Variants in EPM2A observed in about 807,000 individuals in gnomAD.
The protein encoded by EPM2A is laforin.
A neutral mutation model predicts 26.5 loss-of-function variants in EPM2A; 21 were observed. The ratio of observed to expected loss-of-function variants is 0.79; its 90% confidence interval spans 0.56 to 1.14. EPM2A has a LOEUF of 1.14. EPM2A is among the 50% of genes most tolerant of loss of function. The probability of loss-of-function intolerance (pLI) is 0.00; values close to 1 mark genes in which losing one functional copy is unlikely to be tolerated. For missense variants in EPM2A, 458 were observed against 440.8 expected, an observed-to-expected ratio of 1.04 and a Z score of -0.35; for synonymous variants, 217 against 177.6, an observed-to-expected ratio of 1.22 and a Z score of -1.76.
In EPM2A at chr6:145,625,804, T is replaced by C; in HGVS notation, c.*1612A>G. On this transcript the variant is annotated 3_prime_UTR_variant, in exon 4 of 4. Coordinates refer to ENST00000367519, the MANE Select transcript of EPM2A (RefSeq NM_005670.4). ...CCTCTGAGCTCCACTGAAACTTACC[T>C]TGTATCCTTCTTGTCCCCCACGCCT... is the stretch of plus-strand genomic sequence containing the variant. The C allele has an allele frequency of 1.3e-6, 2 of 1,527,808 alleles. No individual in the cohort carries two copies. Among genetic ancestry groups the C allele is most frequent in the Middle Eastern group, 1.7e-4 (1 of 5,916 alleles). The allele number at this position is 1,527,808 out of a possible 1,614,324, so 94.6% of individuals were successfully genotyped here.
intron 4 of EPM2A, among the ~76,000 whole-genome samples, chr6:145,389,786 G>A (rs1273679590): frequency 1.3e-5 from 2 of 152,120 alleles, no homozygotes; most frequent in Non-Finnish European, 2.9e-5. Context: ...TCCTTGAGGT[G>A]TAGTCACAAC....
chr6:145,656,894 AC>A (rs1442662479), intron 2 of EPM2A, among the ~76,000 whole-genome samples: 2 of 152,204 alleles, frequency 1.3e-5, no homozygotes, highest in African/African-American at 4.8e-5. Flanking sequence ...ATGAAAATGT[AC>A]TACTAAAGAT....
At chr6:145,701,934 G>C (rs1383866779) in intron 1 of EPM2A, among the ~76,000 whole-genome samples, 3 of 152,158 alleles carry the variant, frequency 2.0e-5, no homozygotes, top group African/African-American at 7.2e-5. Context: ...GAGCAAGAAA[G>C]AGAGTACCAG....
chr6:145,565,157 A>T (rs1331902101), intron 2 of EPM2A, among the ~76,000 whole-genome samples: 2 of 152,094 alleles, frequency 1.3e-5, no homozygotes, highest in Non-Finnish European at 2.9e-5. Context: ...TCAGCTTGGC[A>T]TATTCAGACT....
chr6:145,593,701 C>T (rs544417441), intron 2 of EPM2A, among the ~76,000 whole-genome samples: 5 of 151,988 alleles, frequency 3.3e-5, no homozygotes, highest in African/African-American at 9.6e-5. Flanking sequence ...AGAAAAAATT[C>T]TCCAGAGAAA....
intron 2 of EPM2A, among the ~76,000 whole-genome samples, chr6:145,540,852 T>C (rs1012804918): frequency 5.9e-5 from 9 of 152,190 alleles, no homozygotes; most frequent in African/African-American, 2.2e-4. Flanking sequence ...TCCATTTCCA[T>C]TTAAAAGGAT....
chr6:145,674,743 A>G (rs1779899317), intron 2 of EPM2A, among the ~76,000 whole-genome samples: 1 of 152,128 alleles, frequency 6.6e-6, no homozygotes, highest in Non-Finnish European at 1.5e-5. Flanking sequence ...TAGAGAAAAA[A>G]GAGTAAAAAC....
chr6:145,535,375 T>G (rs780072667), intron 2 of EPM2A, among the ~76,000 whole-genome samples: 1 of 152,222 alleles, frequency 6.6e-6, no homozygotes, highest in African/African-American at 2.4e-5. Flanking sequence ...CTCTGCACAT[T>G]GCAATCACCT....
At chr6:145,613,679 G>A (rs1399200121) in intron 2 of EPM2A, among the ~76,000 whole-genome samples, 2 of 152,182 alleles carry the variant, frequency 1.3e-5, no homozygotes, top group Non-Finnish European at 1.5e-5. Context: ...ACCTTTGGGT[G>A]AGCAGGTATC....
At chr6:145,521,962 G>A (rs1214289100) in intron 2 of EPM2A, among the ~76,000 whole-genome samples, 3 of 152,082 alleles carry the variant, frequency 2.0e-5, no homozygotes, top group African/African-American at 4.8e-5. Flanking sequence ...TTGCATGTTT[G>A]TTTTGTTTGA....
At position 145,735,333 on chromosome 6, in the gene EPM2A, C is replaced by A. The variant is rs796052424; in HGVS notation, c.166G>T (p.Glu56Ter). The A allele has an allele frequency of 7.1e-7, 1 of 1,412,508 alleles. No individual in the cohort carries two copies. Among genetic ancestry groups the A allele is most frequent in the South Asian group, 1.4e-5 (1 of 73,402 alleles). The allele number at this position is 1,412,508 out of a possible 1,614,324, so 87.5% of individuals were successfully genotyped here. The change falls in exon 1 of 4, where the codon GAG becomes TAG. Residue 56 changes from glutamate to a stop codon, truncating the protein, a stop_gained. Coordinates refer to ENST00000367519, the MANE Select transcript of EPM2A (RefSeq NM_005670.4). LOFTEE classifies it high-confidence loss of function. ...AAGDGALALQ[E>*]PGLWLGEVEL... ...ACCTCCCCGAGCCACAGGCCCGGCT[C>A]CTGCAGGGCCAGGGCCCCGTCGCCC...
downstream of EPM2A, among the ~76,000 whole-genome samples, chr6:145,621,660 T>C (rs527381675): frequency 6.6e-6 from 1 of 152,176 alleles, no homozygotes; most frequent in African/African-American, 2.4e-5. Flanking sequence ...TGATATCTCA[T>C]TGTGGTTTTA....
chr6:145,625,570 T>G lies in EPM2A; in HGVS notation c.*1846A>C, dbSNP rs1775746308. ...TAAAAATTTAATTTTTAAGATTAAA[T>G]TTTCACAACACATTATGACTGTAAA... is the stretch of plus-strand genomic sequence containing the variant. On this transcript the variant is annotated 3_prime_UTR_variant, in exon 4 of 4. Transcript: ENST00000367519. The G allele has an allele frequency of 1.6e-6, 1 of 641,920 alleles. No individual in the cohort carries two copies. Among genetic ancestry groups the G allele is most frequent in the Non-Finnish European group, 2.9e-6 (1 of 349,390 alleles). The allele number at this position is 641,920 out of a possible 1,614,324, so 39.8% of individuals were successfully genotyped here. A position where few individuals can be genotyped will look rare whatever the true frequency, so the allele number is the denominator to read the frequency against.
chr6:145,562,104 TA>T (rs1336419894), intron 2 of EPM2A, among the ~76,000 whole-genome samples: 5 of 134,918 alleles, frequency 3.7e-5, no homozygotes, highest in African/African-American at 1.4e-4. Context: ...CAAAAAAAAC[TA>T]GCTTTCTTTT....
intron 2 of EPM2A, among the ~76,000 whole-genome samples, chr6:145,505,910 T>C (rs915568735): frequency 6.6e-6 from 1 of 152,236 alleles, no homozygotes; most frequent in Non-Finnish European, 1.5e-5. Flanking sequence ...TTATCACTAA[T>C]GACAAATCAT....
intron 1 of EPM2A, among the ~76,000 whole-genome samples, chr6:145,712,843 C>CTTGG (rs1373484188): frequency 6.6e-6 from 1 of 152,124 alleles, no homozygotes; most frequent in African/African-American, 2.4e-5. Flanking sequence ...CCTGATTTGG[C>CTTGG]TTGGCTCTTT....
intron 4 of EPM2A, among the ~76,000 whole-genome samples, chr6:145,488,916 C>T (rs1280831541): frequency 6.6e-6 from 1 of 152,072 alleles, no homozygotes; most frequent in African/African-American, 2.4e-5. Flanking sequence ...AAAAATAACT[C>T]GTGGTTGTTA....
rs535128198 is a variant in EPM2A at position 145,445,175 on chromosome 6, C to G, written c.555+57347G>C. Among the ~76,000 whole-genome samples, 15 of 152,202 alleles carry G rather than the reference C, an allele frequency of 9.9e-5. No homozygotes were observed. The South Asian group carries it at 2.5e-3, about 25-fold the overall frequency. ...CAGAGGTGAGAGCTTAGAACTTTCT[C>G]TAGTTTTTTTTTCTAAGTATGTACA... On this transcript the variant is annotated intron_variant, in intron 4 of 4. Transcript: ENST00000638717.
chr6:145,610,953 A>G (rs2128552045), intron 2 of EPM2A, among the ~76,000 whole-genome samples: 1 of 152,310 alleles, frequency 6.6e-6, no homozygotes, highest in East Asian at 1.9e-4. Flanking sequence ...TTTCATTTGA[A>G]CTACTACTAA....
Sources: gnomAD v4.1 joint callset for allele counts (sites outside exome capture counted in the v4.1 genomes callset) on GRCh38, gnomAD v4.1.1 for gene constraint, MANE v1.5 for transcripts, NCBI Gene and HGNC (gene_info 2026-07-23, HGNC 2026-07-21) for gene names.